MEI1: variants seen among roughly 807,000 people sequenced by gnomAD.
The protein encoded by MEI1 is meiosis inhibitor protein 1.
A neutral mutation model predicts 146.2 loss-of-function variants in MEI1; 103 were observed. The observed-to-expected ratio is 0.70, with a 90% CI of 0.60 to 0.83. MEI1 has a LOEUF of 0.83. MEI1 is among the 40% of genes least tolerant of loss of function. MEI1 has a pLI of 0.00. For missense variants in MEI1, 1,529 were observed against 1,533.0 expected, an observed-to-expected ratio of 1.00 and a Z score of 0.04; for synonymous variants, 652 against 628.2, an observed-to-expected ratio of 1.04 and a Z score of -0.57.
rs532442418 is a variant in MEI1, at chr22:41,732,555, T to C, written c.1283T>C (p.Val428Ala). The part of the protein sequence containing the change: ...RALQEAVSSP[V>A]LEVAAEALKA... ...CTCCAAGAAGCAGTTAGCAGCCCTG[T>C]GCTGGAGGTGGCTGCTGAGGCCTTG... The change falls in exon 11 of 31, where the codon GTG (valine) becomes GCG (alanine). Residue 428 changes from valine (V) to alanine (A), a missense_variant. Physicochemically the swap from Val to Ala is moderately conservative, Grantham distance 64. Transcript: ENST00000401548. 2.5e-6 allele frequency: 4 copies of C among 1,613,806 alleles called. No individual in the cohort carries two copies. Among genetic ancestry groups the C allele is most frequent in the Non-Finnish European group, 3.4e-6 (4 of 1,179,870 alleles).
intron 7 of MEI1, 24 bp from the exon 8 acceptor site, chr22:41,729,641 A>G (rs1435767577): frequency 1.3e-6 from 2 of 1,509,528 alleles, no homozygotes; most frequent in Non-Finnish European, 9.1e-7. Context: ...TGACTGGGGT[A>G]CTTTTTGCTG....
chr22:41,762,453 C>A (rs944149990), intron 18 of MEI1, among the ~76,000 whole-genome samples: 40 of 151,932 alleles, frequency 2.6e-4, no homozygotes, highest in Admixed American at 3.3e-4. Context: ...TGGCTCGCTG[C>A]AGCCTCAACC....
chr22:41,781,906 T>G (rs1421568467), intron 24 of MEI1, 61 bp downstream of exon 24: 1 of 1,582,488 alleles, frequency 6.3e-7, no homozygotes, highest in Non-Finnish European at 8.6e-7. Flanking sequence ...GTGTTGAAGA[T>G]CCTGAGTTCT....
Position 41,780,576 on chromosome 22 carries a change from C to CTTTT in MEI1, c.2816-707_2816-704dup, listed in dbSNP as rs150215660. On this transcript the variant is annotated intron_variant, in intron 22 of 30. Coordinates refer to ENST00000401548, the MANE Select transcript of MEI1 (RefSeq NM_152513.4). ...GATGAACTTTGAGCTGAATTTTTTTCTTTTCTTTTTTTTTTTTTTTTTGAG... is the reference window on the plus strand; with the variant it reads ...GATGAACTTTGAGCTGAATTTTTTTCTTTTTTTTCTTTTTTTTTTTTTTTTTGAG... Among the ~76,000 whole-genome samples the CTTTT allele has an allele frequency of 2.1e-4, 26 of 121,528 alleles. 2 individuals are homozygous for CTTTT. Among genetic ancestry groups the CTTTT allele is most frequent in the African/African-American group, 6.4e-4 (22 of 34,264 alleles). The allele number at this position is 121,528 out of a possible 152,430, so 79.7% of individuals were successfully genotyped here. A position where few individuals can be genotyped will look rare whatever the true frequency, so the allele number is the denominator to read the frequency against.
At chr22:41,701,096 C>T (rs982535000) in intron 1 of MEI1, among the ~76,000 whole-genome samples, 6 of 151,954 alleles carry the variant, frequency 3.9e-5, no homozygotes, top group Non-Finnish European at 7.4e-5. Context: ...TGCGTCACTA[C>T]GCCCAGCTAA....
chr22:41,768,347 C>G (rs1228995177), intron 19 of MEI1, among the ~76,000 whole-genome samples: 1 of 150,624 alleles, frequency 6.6e-6, no homozygotes, highest in East Asian at 2.0e-4. Flanking sequence ...TGAGATTGCG[C>G]CACTGCATTC....
chr22:41,720,035 C>G (rs1311140446), intron 6 of MEI1, among the ~76,000 whole-genome samples: 1 of 152,178 alleles, frequency 6.6e-6, no homozygotes, highest in African/African-American at 2.4e-5. Context: ...ATGATCAAAT[C>G]CAAGCTTTAT....
rs757613618 is a variant in MEI1, at chr22:41,703,338, G to A, written c.182G>A (p.Arg61His). 7.4e-5 allele frequency: 119 copies of A among 1,611,710 alleles called. No individual in the cohort carries two copies. Among genetic ancestry groups the A allele is most frequent in the Non-Finnish European group, 9.2e-5 (109 of 1,178,958 alleles). The change falls in exon 2 of 31, where the codon CGC becomes CAC. Residue 61 changes from arginine (R) to histidine (H), a missense_variant. Coordinates refer to ENST00000401548, the MANE Select transcript of MEI1 (RefSeq NM_152513.4). ...TTCTTCATTTGCTTCAAGTTAGTGCGCAAGAAGCACATGTTGTCCTGCTTC... is the reference window on the plus strand; with the variant it reads ...TTCTTCATTTGCTTCAAGTTAGTGCACAAGAAGCACATGTTGTCCTGCTTC... ...LLPDPGVSLV[R>H]KKHMLSCFQD...
At position 41,707,028 on chromosome 22, in the gene MEI1, C is replaced by CAAA. The variant is rs59421678; in HGVS notation, c.349+1497_349+1499dup. On this transcript the variant is annotated intron_variant, in intron 3 of 30. Coordinates refer to ENST00000401548, the MANE Select transcript of MEI1 (RefSeq NM_152513.4). ...CAACATGGTGAAACCCCATCTCTACCAAAAAAAAAAAAAAAAAAAAAAAAA... is the reference window on the plus strand; with the variant it reads ...CAACATGGTGAAACCCCATCTCTACCAAAAAAAAAAAAAAAAAAAAAAAAAAAA... Among the ~76,000 whole-genome samples the CAAA allele has an allele frequency of 5.3e-3, 695 of 130,740 alleles. 4 individuals are homozygous for CAAA. The highest frequency in any genetic ancestry group is 0.033 in the South Asian group (141 of 4,232). The allele number at this position is 130,740 out of a possible 152,430, so 85.8% of individuals were successfully genotyped here. A position where few individuals can be genotyped will look rare whatever the true frequency, so the allele number is the denominator to read the frequency against.
rs1470070610 is a variant in MEI1, at chr22:41,781,924, G to A, written c.3087+79G>A. The A allele has an allele frequency of 2.0e-6, 3 of 1,508,426 alleles. No individual in the cohort carries two copies. In the East Asian group the frequency reaches 6.8e-5, roughly 34 times the overall value. The allele number at this position is 1,508,426 out of a possible 1,614,324, so 93.4% of individuals were successfully genotyped here. A position where few individuals can be genotyped will look rare whatever the true frequency, so the allele number is the denominator to read the frequency against. ...TTGAAGATCCTGAGTTCTGGTCCCA[G>A]CTCTGGGGGCTTATTAGCTGTGTGA... On this transcript the variant is annotated intron_variant, in intron 24 of 30. Coordinates refer to ENST00000401548, the MANE Select transcript of MEI1 (RefSeq NM_152513.4).
Position 41,793,879 on chromosome 22 carries a change from T to A in MEI1, c.3396T>A (p.Leu1132=), listed in dbSNP as rs1477092458. 6.2e-7 allele frequency: 1 copy of A among 1,613,244 alleles called. No individual in the cohort carries two copies. Among genetic ancestry groups the A allele is most frequent in the African/African-American group, 1.3e-5 (1 of 74,860 alleles). The change falls in exon 27 of 31, where the codon CTT becomes CTA. Residue 1132 remains leucine, a synonymous_variant. Coordinates refer to ENST00000401548, the MANE Select transcript of MEI1 (RefSeq NM_152513.4). ...GTGTTGGCTGCCTGGAGGCCTTGCT[T>A]GACTACCTGGATGCCCGGAGCCCAG... ...QACVGCLEAL[L]DYLDARSPDI...
At chr22:41,748,963 C>T (rs994327695) in intron 15 of MEI1, among the ~76,000 whole-genome samples, 7 of 152,000 alleles carry the variant, frequency 4.6e-5, no homozygotes, top group African/African-American at 1.4e-4. Context: ...CCACCACGCC[C>T]GGCTAATTTT....
At position 41,734,553 on chromosome 22, in the gene MEI1, A is replaced by G. The variant is rs531306624; in HGVS notation, c.1331+1950A>G. ...GGTTGCAGTGATCTGAGATCTTGCC[A>G]CTGTACTCCAGACTGAGGCCACAGA... On this transcript the variant is annotated intron_variant, in intron 11 of 30. Transcript: ENST00000401548. 1.5e-3 allele frequency among the ~76,000 whole-genome samples: 236 copies of G among 152,344 alleles called. 3 individuals are homozygous for G. Among genetic ancestry groups the G allele is most frequent in the African/African-American group, 4.8e-3 (201 of 41,586 alleles).
chr22:41,706,729 C>A (rs919791091), intron 3 of MEI1, among the ~76,000 whole-genome samples: 8 of 149,176 alleles, frequency 5.4e-5, no homozygotes, highest in East Asian at 3.9e-4. Context: ...AAAAAAAAAA[C>A]AAAAATTGTC....
intron 20 of MEI1, among the ~76,000 whole-genome samples, chr22:41,771,298 A>T (rs2075170151): frequency 2.6e-5 from 4 of 152,190 alleles, no homozygotes; most frequent in Admixed American, 1.3e-4. Context: ...ACACAGGTTT[A>T]ATGTTAAAGG....
rs2147466863 is a variant in MEI1 at position 41,724,007 on chromosome 22, G to A, written c.798G>A (p.Leu266=). 6.2e-7 allele frequency: 1 copy of A among 1,613,446 alleles called. No homozygotes were observed. Among genetic ancestry groups the A allele is most frequent in the East Asian group, 2.2e-5 (1 of 44,866 alleles). Residue 266 remains leucine (L), a synonymous_variant, in exon 7 of 31, where the codon CTG becomes CTA. Transcript: ENST00000401548. ...FVSMIMNQDG[L]GESAKNIEGS... ...CCATGATCATGAACCAGGATGGACTGGGAGAAAGTGCTAAGAATATCGAAG... is the reference window on the plus strand; with the variant it reads ...CCATGATCATGAACCAGGATGGACTAGGAGAAAGTGCTAAGAATATCGAAG...
chr22:41,776,379 A>G, intron 21 of MEI1, 112 bp downstream of exon 21: 1 of 1,211,010 alleles, frequency 8.3e-7, no homozygotes, highest in Non-Finnish European at 1.1e-6. Context: ...TTATCTGAAA[A>G]AGAAAGCCAG....
In MEI1 at chr22:41,763,291, C is replaced by G; in HGVS notation, c.2238C>G (p.Ile746Met). 6.2e-7 allele frequency: 1 copy of G among 1,613,990 alleles called. No homozygotes were observed. The highest frequency in any genetic ancestry group is 1.1e-5 in the South Asian group (1 of 91,088). Reference protein sequence around the residue: ...VFKASIYLLAICQDKDNTLRE... With the variant: ...VFKASIYLLAMCQDKDNTLRE... ...AAGCCTCCATCTATCTGCTTGCAAT[C>G]TGCCAGGACAAAGACAATACACTAC... The change falls in exon 19 of 31, where the codon ATC becomes ATG. Residue 746 changes from isoleucine to methionine, a missense_variant. Around this residue, in one of 3 missense-constraint regions of MEI1, gnomAD observed 1,212 missense variants for 1,178.9 expected, o/e 1.03. Coordinates refer to ENST00000401548, the MANE Select transcript of MEI1 (RefSeq NM_152513.4).
In MEI1 at chr22:41,793,867, G is replaced by A; in HGVS notation, c.3384G>A (p.Leu1128=). The A allele has an allele frequency of 1.6e-5, 26 of 1,611,840 alleles. No homozygotes were observed. Among genetic ancestry groups the A allele is most frequent in the Non-Finnish European group, 2.1e-5 (25 of 1,179,480 alleles). ...PLLSQACVGC[L]EALLDYLDAR... Reference sequence around the variant, plus strand: ...TGTCCCAGGCCTGTGTTGGCTGCCTGGAGGCCTTGCTTGACTACCTGGATG... The same window carrying A: ...TGTCCCAGGCCTGTGTTGGCTGCCTAGAGGCCTTGCTTGACTACCTGGATG... The change falls in exon 27 of 31, where the codon CTG becomes CTA. Residue 1128 remains leucine, a synonymous_variant. Coordinates refer to ENST00000401548, the MANE Select transcript of MEI1 (RefSeq NM_152513.4).
Sources: allele counts gnomAD v4.1 joint callset (sites outside exome capture counted in the v4.1 genomes callset), GRCh38; gene constraint gnomAD v4.1.1; regional missense constraint gnomAD v4.1.1; transcripts MANE v1.5; gene names NCBI Gene and HGNC (gene_info 2026-07-23, HGNC 2026-07-21).